DGKI: variants seen among roughly 807,000 people sequenced by gnomAD.
DGKI encodes diacylglycerol kinase iota.
In DGKI, 55 loss-of-function variants were observed where a neutral mutation model predicts 147.5. That is an observed-to-expected ratio of 0.37 (90% CI 0.30 to 0.47). The LOEUF is 0.47. Ranked by LOEUF, DGKI falls within the 20% of genes least tolerant of loss-of-function variation. The pLI, the probability that DGKI is intolerant of heterozygous loss-of-function variation, is 1.00. For missense variants in DGKI, 1,007 were observed against 1,323.8 expected, an observed-to-expected ratio of 0.76 and a Z score of 3.71; for synonymous variants, 469 against 477.1, an observed-to-expected ratio of 0.98 and a Z score of 0.22.
At chr7:137,424,245 A>C (rs545256836) in intron 28 of DGKI, among the ~76,000 whole-genome samples, 12 of 152,356 alleles carry the variant, frequency 7.9e-5, no homozygotes, top group Admixed American at 2.0e-4. Flanking sequence ...ATAAAACATT[A>C]ATTTGAAATA....
chr7:137,685,151 C>T (rs1479938321), intron 2 of DGKI, among the ~76,000 whole-genome samples: 1 of 152,110 alleles, frequency 6.6e-6, no homozygotes, highest in Non-Finnish European at 1.5e-5. Flanking sequence ...TTAGCATCGT[C>T]AACTAAAGGA....
intron 3 of DGKI, among the ~76,000 whole-genome samples, chr7:137,667,118 C>G (rs1002667299): frequency 4.6e-5 from 7 of 152,072 alleles, no homozygotes; most frequent in Non-Finnish European, 8.8e-5. Context: ...TTTTTACACG[C>G]TCTTCAAGGT....
In DGKI at chr7:137,387,539, T is replaced by C. The variant is rs977898475; in HGVS notation, c.*3681A>G. On this transcript the variant is annotated 3_prime_UTR_variant, in exon 33 of 33. Transcript: ENST00000614521. ...CATGAATATAGTATACATACTTGCA[T>C]GTGTATATAAATAAATGTCTATATA... 6.6e-6 allele frequency: 1 copy of C among 152,230 alleles called. No homozygotes were observed. Among genetic ancestry groups the C allele is most frequent in the Admixed American group, 6.6e-5 (1 of 15,266 alleles). 9.4% of individuals were successfully genotyped at this position (152,230 alleles called of 1,614,324 possible).
At chr7:137,549,076 C>A (rs1298998845) in intron 20 of DGKI, among the ~76,000 whole-genome samples, 1 of 152,128 alleles carries the variant, frequency 6.6e-6, no homozygotes, top group Non-Finnish European at 1.5e-5. Context: ...TGAGGGAACC[C>A]CAGAGGCCAG....
chr7:137,566,211 A>T (rs1269634605), intron 19 of DGKI, among the ~76,000 whole-genome samples: 1 of 152,154 alleles, frequency 6.6e-6, no homozygotes. Flanking sequence ...AAATATATAC[A>T]CATATACCCA....
intron 1 of DGKI, among the ~76,000 whole-genome samples, chr7:137,791,959 G>T (rs570125987): frequency 2.6e-5 from 4 of 152,286 alleles, no homozygotes; most frequent in African/African-American, 9.6e-5. Flanking sequence ...CATTAAGTTG[G>T]CTGTATCAAA....
intron 23 of DGKI, among the ~76,000 whole-genome samples, chr7:137,485,163 G>A (rs567177003): frequency 6.6e-6 from 1 of 151,996 alleles, no homozygotes; most frequent in Non-Finnish European, 1.5e-5. Flanking sequence ...AAATGATCTA[G>A]GAGAAAATCC....
rs10223988 is a variant in DGKI, at chr7:137,465,803, C to T, written c.2612+105G>A. ...AGGAAACACAACAAGAAAATCTACA[C>T]TTCAAAATCATTTGATGTCATTAGA... On this transcript the variant is annotated intron_variant, in intron 26 of 32. Coordinates refer to ENST00000614521, the MANE Select transcript of DGKI (RefSeq NM_001321708.2). The T allele has an allele frequency of 0.11, 161,199 of 1,428,532 alleles. 18,248 individuals are homozygous for T. Among genetic ancestry groups the T allele is most frequent in the African/African-American group, 0.6 (41,173 of 68,702 alleles). The allele number at this position is 1,428,532 out of a possible 1,614,324, so 88.5% of individuals were successfully genotyped here. A position where few individuals can be genotyped will look rare whatever the true frequency, so the allele number is the denominator to read the frequency against.
At chr7:137,798,036 C>T (rs899357678) in intron 1 of DGKI, among the ~76,000 whole-genome samples, 3 of 151,984 alleles carry the variant, frequency 2.0e-5, no homozygotes, top group Non-Finnish European at 4.4e-5. Flanking sequence ...ACTGATCTTA[C>T]TGAAATATAA....
At chr7:137,494,977 G>A (rs1238335310) in intron 21 of DGKI, among the ~76,000 whole-genome samples, 1 of 151,836 alleles carries the variant, frequency 6.6e-6, no homozygotes, top group Non-Finnish European at 1.5e-5. Context: ...ATAGAAAACA[G>A]AAAAAAGCAG....
intron 1 of DGKI, among the ~76,000 whole-genome samples, chr7:137,782,209 C>T (rs1796539876): frequency 6.6e-6 from 1 of 152,108 alleles, no homozygotes; most frequent in Admixed American, 6.5e-5. Context: ...GTTCTCAGCC[C>T]TGGTCACTGG....
In DGKI at chr7:137,442,377, A is replaced by G. The variant is rs552799020; in HGVS notation, c.2761+1700T>C. Among the ~76,000 whole-genome samples the G allele has an allele frequency of 2.6e-5, 4 of 152,328 alleles. 1 individual carries two copies. The South Asian group carries it at 8.3e-4, about 32-fold the overall frequency. The stretch of plus-strand genomic sequence containing the variant: ...TTAAGAAGTCCTAGTGGATTATCAA[A>G]TTATAATTCACAAGTTTCCCTCACC... On this transcript the variant is annotated intron_variant, in intron 28 of 32. Transcript: ENST00000614521.
chr7:137,603,130 G>C (rs1820052075), intron 10 of DGKI, among the ~76,000 whole-genome samples: 1 of 152,168 alleles, frequency 6.6e-6, no homozygotes, highest in South Asian at 2.1e-4. Flanking sequence ...GACAGGCACA[G>C]TTTTAGGTAG....
intron 8 of DGKI, among the ~76,000 whole-genome samples, chr7:137,614,542 C>T (rs1485530381): frequency 2.0e-5 from 3 of 152,158 alleles, no homozygotes; most frequent in Non-Finnish European, 2.9e-5. Flanking sequence ...AATATATCAA[C>T]AGATCCAGGC....
intron 5 of DGKI, among the ~76,000 whole-genome samples, chr7:137,648,644 C>T (rs1335474061): frequency 6.6e-6 from 1 of 152,172 alleles, no homozygotes; most frequent in East Asian, 1.9e-4. Flanking sequence ...CACAAGATTT[C>T]GTCGTGCTAC....
chr7:137,424,521 T>A (rs1171613543), intron 28 of DGKI, among the ~76,000 whole-genome samples: 1 of 152,140 alleles, frequency 6.6e-6, no homozygotes, highest in Admixed American at 6.5e-5. Flanking sequence ...CACTAGGGAA[T>A]GCCAGACAGT....
At chr7:137,716,806 C>G (rs184679748) in intron 1 of DGKI, among the ~76,000 whole-genome samples, 6 of 152,188 alleles carry the variant, frequency 3.9e-5, no homozygotes, top group African/African-American at 1.2e-4. Context: ...TTTCACAGTA[C>G]GATAGCTAGC....
chr7:137,577,854 C>G (rs932317624), intron 16 of DGKI, among the ~76,000 whole-genome samples: 4 of 152,202 alleles, frequency 2.6e-5, no homozygotes, highest in Non-Finnish European at 5.9e-5. Flanking sequence ...GAAAAACACC[C>G]CATATTCTGC....
At chr7:137,680,073 G>A (rs1823181714) in intron 2 of DGKI, among the ~76,000 whole-genome samples, 1 of 151,676 alleles carries the variant, frequency 6.6e-6, no homozygotes, top group Admixed American at 6.6e-5. Flanking sequence ...ACTTTGGGAA[G>A]TAATGAGTTC....
Sources: gnomAD v4.1 joint callset for allele counts (sites outside exome capture counted in the v4.1 genomes callset) on GRCh38, gnomAD v4.1.1 for gene constraint, MANE v1.5 for transcripts, NCBI Gene and HGNC (gene_info 2026-07-23, HGNC 2026-07-21) for gene names.